ZC3H6: variants seen among roughly 807,000 people sequenced by gnomAD.
The protein encoded by ZC3H6 is zinc finger CCCH domain-containing protein 6.
A neutral mutation model predicts 107.7 loss-of-function variants in ZC3H6; 40 were observed. That is an observed-to-expected ratio of 0.37 (90% CI 0.29 to 0.48). The LOEUF is 0.48. Among genes scored for constraint, ZC3H6 ranks in the 20% least tolerant of loss-of-function variants. The pLI is 0.98. For missense variants in ZC3H6, 1,267 were observed against 1,410.4 expected (o/e 0.90, Z 1.63); for synonymous variants, 493 against 487.9 (o/e 1.01, Z -0.14).
intron 1 of ZC3H6, among the ~76,000 whole-genome samples, chr2:112,290,082 T>C (rs1676076264): frequency 6.6e-6 from 1 of 152,226 alleles, no homozygotes; most frequent in Non-Finnish European, 1.5e-5. Context: ...CTAATGTTCT[T>C]TGAGCCCTTA....
Position 112,310,056 on chromosome 2 carries a change from C to G in ZC3H6, c.508C>G (p.Gln170Glu). Residue 170 changes from glutamine to glutamate, a missense_variant, in exon 4 of 12, where the codon CAG becomes GAG. Gln to Glu is a conservative substitution (Grantham distance 29). Coordinates refer to ENST00000409871, the MANE Select transcript of ZC3H6 (RefSeq NM_198581.3). ...GQETEEDFAN[Q>E]LKQYRQAKET... ...GGAAACAGAGGAAGATTTTGCCAAT[C>G]AGCTGAAACAATACAGGCAAGCTAA... 5.0e-6 allele frequency: 8 copies of G among 1,613,518 alleles called. No homozygotes were observed. Among genetic ancestry groups the G allele is most frequent in the Non-Finnish European group, 6.8e-6 (8 of 1,179,674 alleles).
intron 11 of ZC3H6, among the ~76,000 whole-genome samples, chr2:112,326,737 C>T (rs573660261): frequency 7.9e-5 from 12 of 152,206 alleles, no homozygotes; most frequent in African/African-American, 2.6e-4. Context: ...CTCTGCCTCC[C>T]GAGTAGCTGG....
intron 1 of ZC3H6, among the ~76,000 whole-genome samples, chr2:112,284,163 GGTTGA>G (rs5833442): frequency 0.046 from 6,939 of 152,280 alleles, 231 homozygotes; most frequent in Middle Eastern, 0.075. Flanking sequence ...TTCTGTGTGG[GGTTGA>G]GTTTTTTATG....
intron 4 of ZC3H6, among the ~76,000 whole-genome samples, chr2:112,311,143 G>T (rs536429610): frequency 1.3e-5 from 2 of 152,088 alleles, no homozygotes; most frequent in Non-Finnish European, 2.9e-5. Flanking sequence ...AAAGAACTGA[G>T]TATTGGCCAG....
intron 7 of ZC3H6, among the ~76,000 whole-genome samples, chr2:112,319,381 C>T (rs1676760379): frequency 6.6e-6 from 1 of 152,104 alleles, no homozygotes; most frequent in Non-Finnish European, 1.5e-5. Context: ...CACGGTGGCT[C>T]ATGCCTGTAA....
intron 1 of ZC3H6, among the ~76,000 whole-genome samples, chr2:112,280,144 T>TA (rs1280246940): frequency 6.6e-6 from 1 of 152,180 alleles, no homozygotes; most frequent in Non-Finnish European, 1.5e-5. Flanking sequence ...CAATTTTAAT[T>TA]AAAAAAATTG....
chr2:112,299,867 A>G lies in ZC3H6; in HGVS notation c.51A>G (p.Glu17=), dbSNP rs1164623633. The G allele has an allele frequency of 7.0e-6, 10 of 1,434,442 alleles. No individual in the cohort carries two copies. In the East Asian group the frequency reaches 2.7e-4, roughly 39 times the overall value. The allele number at this position is 1,434,442 out of a possible 1,614,324, so 88.9% of individuals were successfully genotyped here. A position where few individuals can be genotyped will look rare whatever the true frequency, so the allele number is the denominator to read the frequency against. ...AGHDREDGEL[E]DGEIDDAGFE... ...TCTATAGAGAAGATGGCGAATTAGAAGATGGTGAAATAGACGATGCAGGAT... is the reference window on the plus strand; with the variant it reads ...TCTATAGAGAAGATGGCGAATTAGAGGATGGTGAAATAGACGATGCAGGAT... Residue 17 remains glutamate, a synonymous_variant, in exon 2 of 12, where the codon GAA becomes GAG. Transcript: ENST00000409871.
At chr2:112,329,401 A>G (rs1323415760) in intron 11 of ZC3H6, among the ~76,000 whole-genome samples, 1 of 152,266 alleles carries the variant, frequency 6.6e-6, no homozygotes, top group African/African-American at 2.4e-5. Flanking sequence ...AAATTACTAT[A>G]CAGAAATATT....
chr2:112,334,652 A>G lies in ZC3H6; in HGVS notation c.*2164A>G, dbSNP rs1005944498. ...AGTTTCAAATTTGACAATATATTTT[A>G]TATGAAAATGTTTATGTTTAAAATA... is the stretch of plus-strand genomic sequence containing the variant. On this transcript the variant is annotated 3_prime_UTR_variant, in exon 12 of 12. Coordinates refer to ENST00000409871, the MANE Select transcript of ZC3H6 (RefSeq NM_198581.3). 9 of 152,686 alleles carry G rather than the reference A, an allele frequency of 5.9e-5. No individual in the cohort carries two copies. Among genetic ancestry groups the G allele is most frequent in the Non-Finnish European group, 1.3e-4 (9 of 67,978 alleles). The allele number at this position is 152,686 out of a possible 1,614,324, so 9.5% of individuals were successfully genotyped here. A position where few individuals can be genotyped will look rare whatever the true frequency, so the allele number is the denominator to read the frequency against.
chr2:112,325,571 A>C (rs1190298768), intron 11 of ZC3H6, among the ~76,000 whole-genome samples: 3 of 152,240 alleles, frequency 2.0e-5, no homozygotes, highest in African/African-American at 7.2e-5. Context: ...AATTGCATTA[A>C]TACTTAATTG....
chr2:112,312,940 G>C (rs1360094769), intron 5 of ZC3H6, among the ~76,000 whole-genome samples: 5 of 151,900 alleles, frequency 3.3e-5, no homozygotes, highest in African/African-American at 1.2e-4. Context: ...AAAATGCTTG[G>C]TTTTCTGATC....
intron 1 of ZC3H6, among the ~76,000 whole-genome samples, chr2:112,299,553 G>A (rs1266370308): frequency 6.6e-6 from 1 of 152,134 alleles, no homozygotes; most frequent in East Asian, 1.9e-4. Context: ...ATTTATTCAT[G>A]CATTCATTTT....
intron 1 of ZC3H6, among the ~76,000 whole-genome samples, chr2:112,285,822 G>A (rs1418093630): frequency 1.3e-5 from 2 of 152,066 alleles, no homozygotes; most frequent in African/African-American, 2.4e-5. Context: ...TTAGCTGGGT[G>A]TGGTGGCATG....
In ZC3H6 at chr2:112,332,603, C is replaced by G. The variant is rs932553863; in HGVS notation, c.*115C>G. ...TTTTTAAATTATAAACACTTTTCAG[C>G]TGCTAGTATCAGAACCACATGAAGT... On this transcript the variant is annotated 3_prime_UTR_variant, in exon 12 of 12. Coordinates refer to ENST00000409871, the MANE Select transcript of ZC3H6 (RefSeq NM_198581.3). 1.9e-6 allele frequency: 2 copies of G among 1,033,714 alleles called. No homozygotes were observed. The highest frequency in any genetic ancestry group is 3.2e-5 in the African/African-American group (2 of 61,572). The allele number at this position is 1,033,714 out of a possible 1,614,324, so 64.0% of individuals were successfully genotyped here.
intron 1 of ZC3H6, among the ~76,000 whole-genome samples, chr2:112,298,997 G>T (rs1676304066): frequency 6.6e-6 from 1 of 152,090 alleles, no homozygotes; most frequent in East Asian, 1.9e-4. Context: ...AATTTGGCCG[G>T]GTGTGGTGGG....
intron 8 of ZC3H6, among the ~76,000 whole-genome samples, chr2:112,322,148 C>A (rs1429891012): frequency 6.7e-6 from 1 of 148,680 alleles, no homozygotes; most frequent in Non-Finnish European, 1.5e-5. Context: ...TCCCTCCTTC[C>A]TTCCTCCCTC....
chr2:112,281,803 G>A (rs932509649), intron 1 of ZC3H6, among the ~76,000 whole-genome samples: 99 of 152,094 alleles, frequency 6.5e-4, no homozygotes, highest in African/African-American at 2.2e-3. Context: ...ATGGAGAAGA[G>A]CACAGAAGTT....
chr2:112,276,947 T>G (rs1686436987), intron 1 of ZC3H6, among the ~76,000 whole-genome samples: 1 of 152,172 alleles, frequency 6.6e-6, no homozygotes, highest in African/African-American at 2.4e-5. Flanking sequence ...AATTACTCCT[T>G]TGTGAATAGA....
At chr2:112,278,122 G>A (rs936134967) in intron 1 of ZC3H6, among the ~76,000 whole-genome samples, 2 of 152,136 alleles carry the variant, frequency 1.3e-5, no homozygotes, top group African/African-American at 4.8e-5. Flanking sequence ...GAATCTCTAG[G>A]GTATTTTTCA....
Sources: allele counts gnomAD v4.1 joint callset (sites outside exome capture counted in the v4.1 genomes callset), GRCh38; gene constraint gnomAD v4.1.1; transcripts MANE v1.5; gene names NCBI Gene and HGNC (gene_info 2026-07-23, HGNC 2026-07-21).